The following DMXL1 variants were observed in gnomAD, a reference collection of about 807,000 sequenced individuals.
The protein encoded by DMXL1 is Dmx like 1.
A neutral mutation model predicts 319.2 loss-of-function variants in DMXL1; 99 were observed. The observed-to-expected ratio is 0.31, with a 90% CI of 0.26 to 0.37. The LOEUF is 0.37. Among genes scored for constraint, DMXL1 ranks in the 10% least tolerant of loss-of-function variants. The probability of loss-of-function intolerance (pLI) is 1.00; values close to 1 mark genes in which losing one functional copy is unlikely to be tolerated. For synonymous variants in DMXL1, 1,385 were observed against 1,235.2 expected (o/e 1.12, Z -2.54); for missense variants, 3,745 against 3,595.6 (o/e 1.04, Z -1.06).
intron 43 of DMXL1, among the ~76,000 whole-genome samples, chr5:119,244,917 C>A (rs1789468123): frequency 6.6e-6 from 1 of 152,102 alleles, no homozygotes; most frequent in African/African-American, 2.4e-5. Flanking sequence ...TTGATATTTT[C>A]TTTTATCCCA....
At chr5:119,075,748 G>C (rs1027313331) in intron 1 of DMXL1, among the ~76,000 whole-genome samples, 13 of 151,564 alleles carry the variant, frequency 8.6e-5, no homozygotes. Context: ...AAAAAAAATG[G>C]AGGCTGGGGT....
chr5:119,146,756 C>T (rs370982868), intron 15 of DMXL1, 81 bp from the exon 16 acceptor site: 2 of 1,342,528 alleles, frequency 1.5e-6, no homozygotes, highest in African/African-American at 1.5e-5. Context: ...TTTTTAAAGT[C>T]CAATTATTTT....
chr5:119,135,685 A>C (rs1765828224), intron 13 of DMXL1, among the ~76,000 whole-genome samples: 1 of 152,192 alleles, frequency 6.6e-6, no homozygotes. Context: ...TGATGATCTT[A>C]AAAGTGGCAG....
chr5:119,150,152 G>A lies in DMXL1; in HGVS notation c.4325G>A (p.Ser1442Asn). 2 of 1,613,762 alleles carry A rather than the reference G, an allele frequency of 1.2e-6. No individual in the cohort carries two copies. Among genetic ancestry groups the A allele is most frequent in the Non-Finnish European group, 1.7e-6 (2 of 1,179,874 alleles). Residue 1442 changes from serine (S) to asparagine (N), a missense_variant, in exon 18 of 44, where the codon AGT becomes AAT. Physicochemically the swap from Ser to Asn is conservative, Grantham distance 46 (BLOSUM62 1). Around this residue, in one of 4 missense-constraint regions of DMXL1, gnomAD observed 2,096 missense variants for 1,985.4 expected, o/e 1.06. Coordinates refer to ENST00000539542, the MANE Select transcript of DMXL1 (RefSeq NM_001290321.3). ...LSKSNQLSKE[S>N]YDELFQTQLL... ...AAATCAAACCAATTATCTAAAGAAA[G>A]TTATGATGAGCTTTTTCAGACTCAA...
At chr5:119,128,466 G>C (rs557590471) in intron 9 of DMXL1, 70 of 165,172 alleles carry the variant, frequency 4.2e-4, no homozygotes, top group Non-Finnish European at 7.3e-4. Context: ...TCCATGACTA[G>C]CCCCAGCTGG....
intron 10 of DMXL1, 116 bp downstream of exon 10, chr5:119,129,539 A>C: frequency 1.5e-6 from 1 of 680,868 alleles, no homozygotes; most frequent in Non-Finnish European, 2.5e-6. Context: ...ACATGATCCA[A>C]ACATGGACTA....
At chr5:119,085,470 A>G (rs1022147208) in intron 1 of DMXL1, among the ~76,000 whole-genome samples, 3 of 152,072 alleles carry the variant, frequency 2.0e-5, no homozygotes, top group African/African-American at 7.2e-5. Flanking sequence ...GTGAGCATAC[A>G]ATGGTGTATG....
At chr5:119,105,691 T>C (rs1349817996) in intron 4 of DMXL1, among the ~76,000 whole-genome samples, 1 of 151,338 alleles carries the variant, frequency 6.6e-6, no homozygotes, top group East Asian at 1.9e-4. Flanking sequence ...AGGTTGGGAG[T>C]TCAAGACCCG....
chr5:119,238,738 T>A (rs968404790), intron 40 of DMXL1: 5 of 203,066 alleles, frequency 2.5e-5, no homozygotes, highest in African/African-American at 1.2e-4. Context: ...TGCGTGGGTG[T>A]CTACAAATAT....
chr5:119,121,940 G>A (rs1387195277), intron 9 of DMXL1, among the ~76,000 whole-genome samples: 2 of 149,000 alleles, frequency 1.3e-5, no homozygotes, highest in Non-Finnish European at 3.0e-5. Flanking sequence ...TCCCGGACGG[G>A]GCGGCTGGCC....
intron 32 of DMXL1, among the ~76,000 whole-genome samples, chr5:119,198,953 C>T (rs1407134125): frequency 6.6e-6 from 1 of 152,148 alleles, no homozygotes; most frequent in African/African-American, 2.4e-5. Context: ...GTGGCACAAT[C>T]ACAGCTCACT....
At chr5:119,162,900 T>G (rs1217717900) in intron 19 of DMXL1, among the ~76,000 whole-genome samples, 1 of 152,216 alleles carries the variant, frequency 6.6e-6, no homozygotes, top group Non-Finnish European at 1.5e-5. Context: ...CATTTCACAT[T>G]GCTTGGCATG....
intron 13 of DMXL1, among the ~76,000 whole-genome samples, chr5:119,137,782 T>A (rs778073573): frequency 2.6e-5 from 4 of 152,210 alleles, no homozygotes; most frequent in Non-Finnish European, 4.4e-5. Flanking sequence ...TGCAGAACTG[T>A]GAGTCTGTTA....
chr5:119,166,767 A>G lies in DMXL1; in HGVS notation c.5122A>G (p.Arg1708Gly). 2 of 1,611,264 alleles carry G rather than the reference A, an allele frequency of 1.2e-6. No individual in the cohort carries two copies. The highest frequency in any genetic ancestry group is 1.7e-6 in the Non-Finnish European group (2 of 1,178,964). Residue 1708 changes from arginine (R) to glycine (G), a missense_variant, in exon 22 of 44, where the codon AGA (arginine) becomes GGA (glycine). By Grantham distance (125) the Arg-to-Gly change is moderately radical. Coordinates refer to ENST00000539542, the MANE Select transcript of DMXL1 (RefSeq NM_001290321.3). ...AAFFLLAGCLRDAIEVCLEKL... is the reference protein window; with the variant it reads ...AAFFLLAGCLGDAIEVCLEKL... The stretch of plus-strand genomic sequence containing the variant: ...ATTTTTTCTTTTAGCTGGTTGCCTC[A>G]GAGATGCAATTGAGGTAATGAGTGA...
chr5:119,247,297 A>G lies in DMXL1; in HGVS notation c.*78A>G, dbSNP rs536040482. The G allele has an allele frequency of 1.2e-5, 12 of 969,826 alleles. No individual in the cohort carries two copies. Among genetic ancestry groups the G allele is most frequent in the Non-Finnish European group, 1.7e-5 (11 of 658,404 alleles). 60.1% of individuals were successfully genotyped at this position (969,826 alleles called of 1,614,324 possible). ...ATATAATATACAGTGATCATTCTCT[A>G]TGCCACAAATTAGCTAATGCTTTCT... is the stretch of plus-strand genomic sequence containing the variant. On this transcript the variant is annotated 3_prime_UTR_variant, in exon 44 of 44. Transcript: ENST00000539542.
chr5:119,166,030 TGG>T, intron 21 of DMXL1, among the ~76,000 whole-genome samples: 1 of 152,368 alleles, frequency 6.6e-6, no homozygotes, highest in South Asian at 2.1e-4. Context: ...CTCCTTCCTG[TGG>T]GCCCCACCTT....
chr5:119,078,536 A>G (rs577476041), intron 1 of DMXL1, among the ~76,000 whole-genome samples: 10 of 152,226 alleles, frequency 6.6e-5, no homozygotes, highest in Middle Eastern at 3.4e-3. Context: ...CTGCAGCCTC[A>G]ATCTCCTAGG....
intron 19 of DMXL1, among the ~76,000 whole-genome samples, chr5:119,158,423 A>C (rs1169862814): frequency 3.9e-5 from 6 of 152,144 alleles, no homozygotes; most frequent in Non-Finnish European, 1.5e-5. Flanking sequence ...TTGTTAGCAA[A>C]CAGTGACATT....
intron 9 of DMXL1, among the ~76,000 whole-genome samples, chr5:119,124,659 G>A (rs767909356): frequency 4.0e-5 from 6 of 149,498 alleles, no homozygotes; most frequent in South Asian, 2.1e-4. Flanking sequence ...TCTGCCTCTC[G>A]GGTTCAAGTG....
Sources: allele counts gnomAD v4.1 joint callset (sites outside exome capture counted in the v4.1 genomes callset), GRCh38; gene constraint gnomAD v4.1.1; regional missense constraint gnomAD v4.1.1; transcripts MANE v1.5; gene names NCBI Gene and HGNC (gene_info 2026-07-23, HGNC 2026-07-21).